Variants in IDO2 observed in about 807,000 individuals in gnomAD.
The protein encoded by IDO2 is indoleamine 2,3-dioxygenase 2.
IDO2 carries 46 observed loss-of-function variants against 45.1 expected under a neutral mutation model. That is an observed-to-expected ratio of 1.02 (90% CI 0.80 to 1.30). The LOEUF is 1.30. Among genes scored for constraint, IDO2 ranks in the 50% most tolerant of loss-of-function variants. IDO2 has a pLI of 0.00. For synonymous variants in IDO2, 218 were observed against 184.9 expected, an observed-to-expected ratio of 1.18 and a Z score of -1.45; for missense variants, 544 against 491.8, an observed-to-expected ratio of 1.11 and a Z score of -1.00.
chr8:39,987,824 C>T (rs199886500), intron 6 of IDO2, 47 bp from the exon 7 acceptor site: 36 of 1,145,952 alleles, frequency 3.1e-5, no homozygotes, highest in Middle Eastern at 2.4e-4. Context: ...TGAGTACTCA[C>T]GGTACAGTCT....
In IDO2 at chr8:39,997,935, T is replaced by TGCCCAGCA. The variant is rs1802073847; in HGVS notation, c.668-7389_668-7382dup. ...GTACATAAGTCATAACATTTGTTGC[T>TGCCCAGCA]GCCCAGCAGCAGGTATGAAGCCGGC... On this transcript the variant is annotated intron_variant, in intron 8 of 10. Coordinates refer to ENST00000502986, the Ensembl canonical transcript of IDO2. 1.8e-5 allele frequency: 4 copies of TGCCCAGCA among 220,070 alleles called. No individual in the cohort carries two copies. In the South Asian group the frequency reaches 3.3e-4, roughly 18 times the overall value. 13.6% of individuals were successfully genotyped at this position (220,070 alleles called of 1,614,324 possible).
intron 5 of IDO2, 141 bp from the exon 6 acceptor site, chr8:39,985,367 T>G: frequency 1.5e-6 from 1 of 686,568 alleles, no homozygotes; most frequent in Non-Finnish European, 2.5e-6. Context: ...GATGTGTGTG[T>G]GCCTGCAGTG....
At chr8:39,936,596 G>T (rs1807555493) in intron 1 of IDO2, among the ~76,000 whole-genome samples, 1 of 152,126 alleles carries the variant, frequency 6.6e-6, no homozygotes, top group African/African-American at 2.4e-5. Context: ...TATACCACAG[G>T]GAAAGACAAT....
chr8:40,015,880 T>TTCTCTTTGCCAAGTAATAGAAAACCA (rs1802380858), exon 11 of IDO2: 1 of 370,348 alleles, frequency 2.7e-6, no homozygotes, highest in Non-Finnish European at 4.8e-6. Context: ...CTGTATGCCA[T>TTCTCTTTGCCAAGTAATAGAAAACCA]TCTCTTTGCC....
intron 9 of IDO2, 91 bp from the exon 10 acceptor site, chr8:40,013,474 C>T: frequency 8.0e-7 from 1 of 1,243,310 alleles, no homozygotes; most frequent in Non-Finnish European, 1.1e-6. Context: ...AAATCATGTT[C>T]CCTTTCTCAT....
intron 2 of IDO2, among the ~76,000 whole-genome samples, chr8:39,954,849 G>T (rs1418753862): frequency 6.6e-6 from 1 of 151,360 alleles, no homozygotes; most frequent in Admixed American, 6.6e-5. Flanking sequence ...TAGAGATAGG[G>T]TTTCGCTATT....
chr8:40,002,587 G>A (rs573002276), intron 8 of IDO2, among the ~76,000 whole-genome samples: 3 of 152,274 alleles, frequency 2.0e-5, no homozygotes, highest in South Asian at 2.1e-4. Context: ...TTGAGGTCAG[G>A]AGTTGGAGAC....
intron 1 of IDO2, among the ~76,000 whole-genome samples, chr8:39,944,694 CTGT>C (rs1445483064): frequency 6.6e-5 from 10 of 152,204 alleles, no homozygotes; most frequent in Non-Finnish European, 1.3e-4. Context: ...GTTTACTTTC[CTGT>C]AACCATTTAT....
At chr8:39,937,468 ACTGT>A (rs1017381729) in intron 1 of IDO2, among the ~76,000 whole-genome samples, 4 of 152,028 alleles carry the variant, frequency 2.6e-5, no homozygotes, top group Admixed American at 6.6e-5. Context: ...ATGTAATGTA[ACTGT>A]CTATTTCAGG....
intron 8 of IDO2, among the ~76,000 whole-genome samples, chr8:39,994,700 T>C (rs1297081421): frequency 2.5e-5 from 2 of 79,792 alleles, no homozygotes; most frequent in African/African-American, 7.8e-5. Flanking sequence ...TCAGCCTGAA[T>C]CTGGGAAATT....
intron 8 of IDO2, among the ~76,000 whole-genome samples, chr8:39,990,161 C>T (rs927647167): frequency 5.9e-5 from 9 of 152,090 alleles, no homozygotes; most frequent in Middle Eastern, 3.2e-3. Context: ...ATGTTGGTCG[C>T]GCGTGCCCCA....
chr8:40,009,885 T>C (rs1802284522), intron 9 of IDO2, among the ~76,000 whole-genome samples: 1 of 152,170 alleles, frequency 6.6e-6, no homozygotes, highest in African/African-American at 2.4e-5. Context: ...ATATTCTGGA[T>C]ATATAATACA....
chr8:39,996,279 A>G (rs568338284), intron 8 of IDO2, among the ~76,000 whole-genome samples: 1 of 152,128 alleles, frequency 6.6e-6, no homozygotes, highest in Non-Finnish European at 1.5e-5. Context: ...CCTAGTCCTG[A>G]ACACCTGGCT....
At chr8:40,005,451 A>G in intron 9 of IDO2, 73 bp downstream of exon 9, 1 of 980,326 alleles carries the variant, frequency 1.0e-6, no homozygotes, top group Non-Finnish European at 1.5e-6. Context: ...GGACGAAGAG[A>G]CAGAAGCTTC....
Position 39,982,776 on chromosome 8 carries a change from G to A in IDO2, c.434+6G>A. 6.6e-7 allele frequency: 1 copy of A among 1,516,146 alleles called. No homozygotes were observed. The highest frequency in any genetic ancestry group is 9.0e-7 in the Non-Finnish European group (1 of 1,110,084). The allele number at this position is 1,516,146 out of a possible 1,614,324, so 93.9% of individuals were successfully genotyped here. A position where few individuals can be genotyped will look rare whatever the true frequency, so the allele number is the denominator to read the frequency against. ...ACCAAAAAAGATCCAGACGGGTAAG[G>A]AAGGAAGAGAATGCTTTGAATTTCC... On this transcript the variant is annotated splice_donor_region_variant and intron_variant, in intron 5 of 10. Coordinates refer to ENST00000502986, the Ensembl canonical transcript of IDO2.
At position 40,013,767 on chromosome 8, in the gene IDO2, G is replaced by GTTT. The variant is rs1554550210; in HGVS notation, c.868+64_868+66dup. On this transcript the variant is annotated intron_variant, in intron 10 of 10. Coordinates refer to ENST00000502986, the Ensembl canonical transcript of IDO2. ...GAGTAGAGGGAGGAAGAGGAGAGGTGTTTTTTTTTTTTCCAATTGATAAAA... is the reference window on the plus strand; with the variant it reads ...GAGTAGAGGGAGGAAGAGGAGAGGTGTTTTTTTTTTTTTTTCCAATTGATAAAA... 18 of 984,266 alleles carry GTTT rather than the reference G, an allele frequency of 1.8e-5. No individual in the cohort carries two copies. The African/African-American group carries it at 3.8e-4, about 21-fold the overall frequency. The allele number at this position is 984,266 out of a possible 1,614,324, so 61.0% of individuals were successfully genotyped here.
chr8:40,013,659 A>G (rs1802341958), exon 10 of IDO2: 1 of 1,613,964 alleles, frequency 6.2e-7, no homozygotes, highest in Middle Eastern at 1.6e-4. Context: ...AGCTCAGAGC[A>G]CAGTGCTTCA....
At chr8:39,957,079 AAAAT>A (rs1166581708) in intron 2 of IDO2, among the ~76,000 whole-genome samples, 2 of 151,494 alleles carry the variant, frequency 1.3e-5, no homozygotes, top group Admixed American at 6.6e-5. Context: ...ATCAATAAAT[AAAAT>A]AAATAAATAA....
intron 5 of IDO2, 53 bp downstream of exon 5, chr8:39,982,823 C>A: frequency 8.5e-7 from 1 of 1,173,946 alleles, no homozygotes; most frequent in Non-Finnish European, 1.2e-6. Flanking sequence ...CCAGGAAACA[C>A]CCAGGCTTTT....
Sources: allele counts gnomAD v4.1 joint callset (sites outside exome capture counted in the v4.1 genomes callset), GRCh38; gene constraint gnomAD v4.1.1; transcripts MANE v1.5; gene names NCBI Gene and HGNC (gene_info 2026-07-23, HGNC 2026-07-21).